The following PDE1C variants were observed in gnomAD, a reference collection of about 807,000 sequenced individuals.
PDE1C encodes the protein phosphodiesterase 1C, also known as dual specificity calcium/calmodulin-dependent 3',5'-cyclic nucleotide phosphodiesterase 1C.
Under a neutral mutation model 93.1 loss-of-function variants are expected in PDE1C, and 62 were observed. The ratio of observed to expected loss-of-function variants is 0.67; its 90% CI spans 0.54 to 0.82. The LOEUF (loss-of-function observed/expected upper bound fraction) is 0.82. Among genes scored for constraint, PDE1C ranks in the 40% least tolerant of loss-of-function variants. The pLI is 0.00. For synonymous variants in PDE1C, 325 were observed against 310.1 expected, an observed-to-expected ratio of 1.05 and a Z score of -0.50; for missense variants, 742 against 884.6, an observed-to-expected ratio of 0.84 and a Z score of 2.04.
In PDE1C at chr7:31,862,864, G is replaced by A. The variant is rs552276500; in HGVS notation, c.750+2078C>T. Among the ~76,000 whole-genome samples the A allele has an allele frequency of 1.3e-3, 197 of 152,188 alleles. 5 individuals carry two copies. Among genetic ancestry groups the A allele is most frequent in the African/African-American group, 4.6e-3 (190 of 41,538 alleles). ...GATATATTTGCCTATTTTTTCACAA[G>A]CAGCACATGCTCAGCTTCAGTATGT... On this transcript the variant is annotated intron_variant, in intron 7 of 17. Transcript: ENST00000396191.
intron 1 of PDE1C, among the ~76,000 whole-genome samples, chr7:32,269,951 T>C (rs564204818): frequency 3.0e-4 from 45 of 152,142 alleles, no homozygotes; most frequent in Non-Finnish European, 6.0e-4. Context: ...TTTTTTTTTA[T>C]TTTTTGTAGA....
the PDE1C span, among the ~76,000 whole-genome samples, chr7:31,627,060 T>A: frequency 6.6e-6 from 1 of 152,236 alleles, no homozygotes; most frequent in African/African-American, 2.4e-5. Context: ...CTTATTACTA[T>A]GAAATACAAT....
At chr7:32,118,099 C>T (rs766856) in intron 3 of PDE1C, among the ~76,000 whole-genome samples, 53,645 of 151,986 alleles carry the variant, frequency 0.35, 9,988 homozygotes, top group African/African-American at 0.47. Flanking sequence ...GGAAGTCATG[C>T]GAGTGCTTTG....
the PDE1C span, chr7:31,652,806 A>G: frequency 6.2e-7 from 1 of 1,613,292 alleles, no homozygotes; most frequent in Non-Finnish European, 8.5e-7. Context: ...TGTTGGAGAA[A>G]AGGATGCAGA....
the PDE1C span, among the ~76,000 whole-genome samples, chr7:31,646,466 G>GA: frequency 6.6e-6 from 1 of 152,024 alleles, no homozygotes; most frequent in South Asian, 2.1e-4. Flanking sequence ...GGCCCTGGGG[G>GA]AAAAGGCACA....
chr7:31,931,427 A>T (rs1332118675), intron 2 of PDE1C, among the ~76,000 whole-genome samples: 6 of 152,220 alleles, frequency 3.9e-5, no homozygotes, highest in African/African-American at 1.2e-4. Flanking sequence ...AATCATAAGC[A>T]ATCCTATACA....
At chr7:31,896,389 T>C (rs112186029) in intron 2 of PDE1C, among the ~76,000 whole-genome samples, 1,536 of 152,290 alleles carry the variant, frequency 0.01, 15 homozygotes, top group African/African-American at 0.035. Flanking sequence ...ATTCCTACTC[T>C]CGGACTTCTG....
At chr7:32,029,939 T>C (rs1790071856) in intron 2 of PDE1C, among the ~76,000 whole-genome samples, 1 of 152,124 alleles carries the variant, frequency 6.6e-6, no homozygotes, top group Non-Finnish European at 1.5e-5. Flanking sequence ...GTGCCTATCA[T>C]TAAGAGAACA....
chr7:31,891,518 C>T (rs1798630801), intron 2 of PDE1C, among the ~76,000 whole-genome samples: 1 of 152,118 alleles, frequency 6.6e-6, no homozygotes, highest in African/African-American at 2.4e-5. Context: ...CAGATAATCT[C>T]CCAAGCATTT....
At chr7:32,258,831 C>T (rs146123380) in intron 1 of PDE1C, among the ~76,000 whole-genome samples, 21 of 152,296 alleles carry the variant, frequency 1.4e-4, no homozygotes, top group African/African-American at 4.3e-4. Context: ...AGGAATCCTT[C>T]AAAAGGCCCA....
In PDE1C at chr7:32,050,608, T is replaced by C. The variant is rs182648343; in HGVS notation, c.128+946A>G. On this transcript the variant is annotated intron_variant, in intron 2 of 17. Coordinates refer to ENST00000396191, the MANE Select transcript of PDE1C (RefSeq NM_001191057.4). ...TATATACACATATGAAAAAATATCA[T>C]ACACTTTAGATATATATATAATTTT... Among the ~76,000 whole-genome samples, 756 of 152,258 alleles carry C rather than the reference T, an allele frequency of 5.0e-3. 5 individuals are homozygous for C. Among genetic ancestry groups the C allele is most frequent in the African/African-American group, 0.017 (707 of 41,524 alleles).
chr7:31,898,522 C>A (rs1376621043), intron 2 of PDE1C, among the ~76,000 whole-genome samples: 1 of 152,124 alleles, frequency 6.6e-6, no homozygotes, highest in Non-Finnish European at 1.5e-5. Flanking sequence ...ATAAAATCCA[C>A]TATTGCAGGA....
At chr7:32,184,972 G>C (rs1042667695) in intron 2 of PDE1C, among the ~76,000 whole-genome samples, 1 of 151,960 alleles carries the variant, frequency 6.6e-6, no homozygotes, top group Non-Finnish European at 1.5e-5. Flanking sequence ...TTAGCTGGGC[G>C]TAGTGGCGCA....
chr7:31,843,783 A>G (rs1223686082), intron 9 of PDE1C, among the ~76,000 whole-genome samples: 1 of 151,514 alleles, frequency 6.6e-6, no homozygotes, highest in African/African-American at 2.4e-5. Context: ...TGCTTGAGAT[A>G]TTTTTTGTAT....
At chr7:32,116,777 T>A (rs1382034147) in intron 3 of PDE1C, among the ~76,000 whole-genome samples, 1 of 152,196 alleles carries the variant, frequency 6.6e-6, no homozygotes, top group East Asian at 1.9e-4. Context: ...AGATAATTTT[T>A]GTCCCCTTTT....
chr7:32,382,693 G>A (rs1188130162), intron 1 of PDE1C, among the ~76,000 whole-genome samples: 1 of 152,200 alleles, frequency 6.6e-6, no homozygotes, highest in Non-Finnish European at 1.5e-5. Context: ...CATTTTCAGT[G>A]TGCGAGCACT....
chr7:32,144,957 T>C (rs1428542062), intron 3 of PDE1C, among the ~76,000 whole-genome samples: 1 of 152,334 alleles, frequency 6.6e-6, no homozygotes, highest in East Asian at 1.9e-4. Flanking sequence ...CTTGCTGTAA[T>C]TGGTTTTTAA....
At position 31,839,257 on chromosome 7, in the gene PDE1C, C is replaced by T. The variant is rs544769482; in HGVS notation, c.981-1286G>A. Reference sequence around the variant, plus strand: ...GTATGTATGTGTGTATATATACATACATATATACACACATTATTTTAAAAT... The same window carrying T: ...GTATGTATGTGTGTATATATACATATATATATACACACATTATTTTAAAAT... On this transcript the variant is annotated intron_variant, in intron 9 of 17. Coordinates refer to ENST00000396191, the MANE Select transcript of PDE1C (RefSeq NM_001191057.4). Among the ~76,000 whole-genome samples the T allele has an allele frequency of 3.8e-4, 57 of 148,914 alleles. 1 individual carries two copies. The East Asian group carries it at 0.011, about 29-fold the overall frequency.
At chr7:31,870,785 T>G (rs981425326) in intron 6 of PDE1C, among the ~76,000 whole-genome samples, 1 of 151,922 alleles carries the variant, frequency 6.6e-6, no homozygotes, top group Non-Finnish European at 1.5e-5. Context: ...ATACCAAAAC[T>G]GGACAAGGAT....
Sources: allele counts gnomAD v4.1 joint callset (sites outside exome capture counted in the v4.1 genomes callset), GRCh38; gene constraint gnomAD v4.1.1; transcripts MANE v1.5; gene names NCBI Gene and HGNC (gene_info 2026-07-23, HGNC 2026-07-21).